The following EPB41L4A variants were observed in gnomAD, a reference collection of about 807,000 sequenced individuals.
EPB41L4A encodes band 4.1-like protein 4A.
A neutral mutation model predicts 108.6 loss-of-function variants in EPB41L4A; 100 were observed. The observed-to-expected ratio is 0.92, with a 90% CI of 0.78 to 1.09. The LOEUF is 1.09. EPB41L4A is among the 50% of genes least tolerant of loss of function. The pLI is 0.00. For missense variants in EPB41L4A, 1,030 were observed against 842.7 expected, an observed-to-expected ratio of 1.22 and a Z score of -2.75; for synonymous variants, 319 against 289.0, an observed-to-expected ratio of 1.10 and a Z score of -1.05.
chr5:112,293,348 T>G (rs1753775830), intron 2 of EPB41L4A, among the ~76,000 whole-genome samples: 1 of 151,948 alleles, frequency 6.6e-6, no homozygotes, highest in Non-Finnish European at 1.5e-5. Context: ...TAGTTATTTT[T>G]CCTCATCCTC....
chr5:112,358,678 C>T (rs1429758704), intron 1 of EPB41L4A, among the ~76,000 whole-genome samples: 1 of 152,154 alleles, frequency 6.6e-6, no homozygotes, highest in African/African-American at 2.4e-5. Context: ...TACACCTACC[C>T]TATGATATAG....
intron 2 of EPB41L4A, among the ~76,000 whole-genome samples, chr5:112,302,609 G>A (rs1754436548): frequency 6.6e-6 from 1 of 152,176 alleles, no homozygotes; most frequent in Non-Finnish European, 1.5e-5. Context: ...AGGAACTGAA[G>A]TATAGAAAAG....
intron 1 of EPB41L4A, among the ~76,000 whole-genome samples, chr5:112,365,519 G>A (rs539551241): frequency 2.0e-5 from 3 of 152,076 alleles, no homozygotes; most frequent in Non-Finnish European, 4.4e-5. Context: ...TTTAGACTTC[G>A]AGAAAAGTTG....
At chr5:112,397,311 A>G (rs763430737) in intron 1 of EPB41L4A, among the ~76,000 whole-genome samples, 6 of 152,256 alleles carry the variant, frequency 3.9e-5, no homozygotes, top group Non-Finnish European at 7.3e-5. Context: ...AATTTTATAA[A>G]GAATTCATAG....
At chr5:112,362,779 AAAGAC>A (rs1354177442) in intron 1 of EPB41L4A, among the ~76,000 whole-genome samples, 1 of 152,180 alleles carries the variant, frequency 6.6e-6, no homozygotes, top group African/African-American at 2.4e-5. Context: ...CTGACATCCT[AAAGAC>A]AAATCATTTT....
At position 112,213,969 on chromosome 5, in the gene EPB41L4A, TGAGA is replaced by T. The variant is rs1413903126; in HGVS notation, c.1088-3991_1088-3988del. ...AGTAAGATTTTACCATACCACCATT[TGAGA>T]TAGCTAATCAATTCAGTAAAGCTAG... is the stretch of plus-strand genomic sequence containing the variant. On this transcript the variant is annotated intron_variant, in intron 12 of 22. Coordinates refer to ENST00000261486, the MANE Select transcript of EPB41L4A (RefSeq NM_022140.5). Among the ~76,000 whole-genome samples the T allele has an allele frequency of 3.9e-5, 6 of 152,368 alleles. No homozygotes were observed. The East Asian group carries it at 1.2e-3, about 29-fold the overall frequency.
intron 12 of EPB41L4A, among the ~76,000 whole-genome samples, chr5:112,225,478 T>G (rs56318754): frequency 6.6e-6 from 1 of 152,168 alleles, no homozygotes; most frequent in Admixed American, 6.5e-5. Flanking sequence ...CTATTGGAAA[T>G]GTGGATGAGC....
chr5:112,232,212 C>T (rs767168752), intron 12 of EPB41L4A, among the ~76,000 whole-genome samples: 8 of 151,964 alleles, frequency 5.3e-5, no homozygotes, highest in Non-Finnish European at 1.2e-4. Flanking sequence ...GGGGGACCAG[C>T]TTACAACAAA....
At chr5:112,383,545 C>A (rs1760302987) in intron 1 of EPB41L4A, among the ~76,000 whole-genome samples, 1 of 152,064 alleles carries the variant, frequency 6.6e-6, no homozygotes, top group Non-Finnish European at 1.5e-5. Context: ...ATTGAAATCC[C>A]ATTGGCAATT....
chr5:112,284,621 A>C (rs1753166109), intron 2 of EPB41L4A, among the ~76,000 whole-genome samples: 1 of 152,168 alleles, frequency 6.6e-6, no homozygotes, highest in African/African-American at 2.4e-5. Flanking sequence ...GGAAGGTAAC[A>C]ATGAACCCAA....
chr5:112,191,506 T>C (rs550664346), intron 17 of EPB41L4A, among the ~76,000 whole-genome samples: 47 of 152,350 alleles, frequency 3.1e-4, no homozygotes, highest in African/African-American at 9.9e-4. Flanking sequence ...TTCATAAATG[T>C]TGTTTTATTA....
chr5:112,336,124 A>C (rs1202988250), intron 1 of EPB41L4A, among the ~76,000 whole-genome samples: 2 of 152,228 alleles, frequency 1.3e-5, no homozygotes, highest in Non-Finnish European at 2.9e-5. Flanking sequence ...TCCAAGAAAG[A>C]GGGAAACACA....
intron 1 of EPB41L4A, among the ~76,000 whole-genome samples, chr5:112,408,019 C>T (rs1171950709): frequency 6.6e-6 from 1 of 152,066 alleles, no homozygotes; most frequent in Non-Finnish European, 1.5e-5. Context: ...ATCTACCTTA[C>T]CAAGGAACTA....
At chr5:112,415,993 A>T (rs1436665957) in intron 1 of EPB41L4A, among the ~76,000 whole-genome samples, 4 of 152,086 alleles carry the variant, frequency 2.6e-5, no homozygotes, top group Non-Finnish European at 5.9e-5. Flanking sequence ...TTTAACAGAA[A>T]ATTATTTTCC....
At chr5:112,288,138 G>T (rs1753406416) in intron 2 of EPB41L4A, among the ~76,000 whole-genome samples, 1 of 152,066 alleles carries the variant, frequency 6.6e-6, no homozygotes, top group Non-Finnish European at 1.5e-5. Flanking sequence ...CAATTTATAA[G>T]ATTTAACACC....
intron 5 of EPB41L4A, among the ~76,000 whole-genome samples, chr5:112,265,876 T>C (rs987773873): frequency 1.3e-5 from 2 of 152,160 alleles, no homozygotes; most frequent in Non-Finnish European, 2.9e-5. Flanking sequence ...ACAACAGCAA[T>C]GCAGGAGCAA....
chr5:112,383,664 T>C (rs1760309993), intron 1 of EPB41L4A, among the ~76,000 whole-genome samples: 1 of 151,838 alleles, frequency 6.6e-6, no homozygotes, highest in African/African-American at 2.4e-5. Flanking sequence ...GCTGGCCAAA[T>C]CAAAGAATAA....
chr5:112,288,124 A>G (rs1247806243), intron 2 of EPB41L4A, among the ~76,000 whole-genome samples: 1 of 152,178 alleles, frequency 6.6e-6, no homozygotes, highest in Non-Finnish European at 1.5e-5. Context: ...TATTAGATGT[A>G]ATACAATTTA....
chr5:112,165,309 T>G (rs1441152753), intron 22 of EPB41L4A, among the ~76,000 whole-genome samples, 191 bp from the exon 23 acceptor site: 1 of 152,208 alleles, frequency 6.6e-6, no homozygotes, highest in African/African-American at 2.4e-5. Flanking sequence ...TATTTAAACT[T>G]TAATATACAA....
Sources: gnomAD v4.1 joint callset for allele counts (sites outside exome capture counted in the v4.1 genomes callset) on GRCh38, gnomAD v4.1.1 for gene constraint, MANE v1.5 for transcripts, NCBI Gene and HGNC (gene_info 2026-07-23, HGNC 2026-07-21) for gene names.